CNTN4: variants seen among roughly 807,000 people sequenced by gnomAD.
CNTN4 encodes contactin 4.
A neutral mutation model predicts 122.5 loss-of-function variants in CNTN4; 77 were observed. The ratio of observed to expected loss-of-function variants is 0.63; its 90% CI spans 0.52 to 0.76. CNTN4 has a LOEUF of 0.76. Ranked by LOEUF, CNTN4 falls within the 30% of genes least tolerant of loss-of-function variation. The pLI, the probability that CNTN4 is intolerant of heterozygous loss-of-function variation, is 0.00. For synonymous variants in CNTN4, 512 were observed against 447.0 expected, an observed-to-expected ratio of 1.15 and a Z score of -1.83; for missense variants, 1,256 against 1,259.1, an observed-to-expected ratio of 1.00 and a Z score of 0.04.
chr3:2,974,448 A>G (rs1298093126), intron 13 of CNTN4, among the ~76,000 whole-genome samples: 1 of 152,136 alleles, frequency 6.6e-6, no homozygotes, highest in East Asian at 1.9e-4. Context: ...TTTACATTTA[A>G]CCTTCTCACA....
At chr3:2,466,866 A>G (rs1318205414) in intron 3 of CNTN4, among the ~76,000 whole-genome samples, 1 of 152,040 alleles carries the variant, frequency 6.6e-6, no homozygotes. Context: ...TTATTTAATC[A>G]TTGTAGAAAG....
At chr3:2,313,664 A>G (rs374347208) in intron 2 of CNTN4, among the ~76,000 whole-genome samples, 99 of 152,116 alleles carry the variant, frequency 6.5e-4, no homozygotes, top group Middle Eastern at 3.4e-3. Flanking sequence ...ACTCCCAACT[A>G]TATGTTTGAT....
At chr3:2,613,556 A>G (rs567832876) in intron 4 of CNTN4, among the ~76,000 whole-genome samples, 42 of 152,302 alleles carry the variant, frequency 2.8e-4, no homozygotes, top group Non-Finnish European at 3.2e-4. Flanking sequence ...ATATTACTTT[A>G]TAAGATGGTA....
chr3:2,956,650 A>C, intron 13 of CNTN4, among the ~76,000 whole-genome samples: 1 of 152,224 alleles, frequency 6.6e-6, no homozygotes, highest in South Asian at 2.1e-4. Flanking sequence ...CAAGGTGTAC[A>C]ACATGACTTG....
intron 17 of CNTN4, among the ~76,000 whole-genome samples, chr3:3,035,857 A>G (rs1699556344): frequency 6.6e-6 from 1 of 151,696 alleles, no homozygotes; most frequent in African/African-American, 2.4e-5. Flanking sequence ...GTCCAGCCCC[A>G]TTTTTTTAGA....
chr3:2,846,284 C>G (rs976090726), intron 7 of CNTN4, among the ~76,000 whole-genome samples: 2 of 152,182 alleles, frequency 1.3e-5, no homozygotes, highest in Non-Finnish European at 2.9e-5. Flanking sequence ...TACTCTCATG[C>G]TGTTCTCATG....
At chr3:2,825,218 A>T (rs903868251) in intron 7 of CNTN4, among the ~76,000 whole-genome samples, 4 of 151,896 alleles carry the variant, frequency 2.6e-5, no homozygotes, top group African/African-American at 9.7e-5. Flanking sequence ...TCTCTAAAAA[A>T]TAATTTATTT....
In CNTN4 at chr3:2,920,556, A is replaced by G. The variant is rs188492904; in HGVS notation, c.1208-5073A>G. 2.0e-5 allele frequency among the ~76,000 whole-genome samples: 3 copies of G among 152,182 alleles called. No homozygotes were observed. In the East Asian group the frequency reaches 5.8e-4, roughly 30 times the overall value. On this transcript the variant is annotated intron_variant, in intron 12 of 24. Coordinates refer to ENST00000418658, the MANE Select transcript of CNTN4 (RefSeq NM_175607.3). ...TATATTTGGTACTTTCTGTGGGTCT[A>G]TAATTATTTCAAAATAAACATTTTC...
At chr3:2,892,348 A>T (rs2094052703) in intron 10 of CNTN4, 1 of 152,180 alleles carries the variant, frequency 6.6e-6, no homozygotes, top group Non-Finnish European at 1.5e-5. Flanking sequence ...ACATAGTGAG[A>T]ATGCTCTATG....
At chr3:2,703,676 T>G (rs2086485032) in intron 4 of CNTN4, among the ~76,000 whole-genome samples, 1 of 152,022 alleles carries the variant, frequency 6.6e-6, no homozygotes, top group East Asian at 1.9e-4. Flanking sequence ...GTTATTAACT[T>G]AAATAAACAT....
chr3:2,247,505 T>C (rs146704008), intron 2 of CNTN4, among the ~76,000 whole-genome samples: 1 of 151,952 alleles, frequency 6.6e-6, no homozygotes, highest in Non-Finnish European at 1.5e-5. Context: ...TTGAAATCAG[T>C]TTTACAGGGA....
chr3:2,656,541 G>C (rs1306772148), intron 4 of CNTN4, among the ~76,000 whole-genome samples: 1 of 152,178 alleles, frequency 6.6e-6, no homozygotes, highest in South Asian at 2.1e-4. Flanking sequence ...TGAATCCCAA[G>C]CTCTAGTACA....
chr3:2,672,859 C>T (rs1324705724), intron 4 of CNTN4, among the ~76,000 whole-genome samples: 1 of 152,284 alleles, frequency 6.6e-6, no homozygotes, highest in Admixed American at 6.5e-5. Context: ...TATGAACCAT[C>T]CAGCTACTGG....
chr3:3,048,576 G>C (rs535506292), intron 23 of CNTN4, among the ~76,000 whole-genome samples: 1 of 151,760 alleles, frequency 6.6e-6, no homozygotes, highest in Non-Finnish European at 1.5e-5. Flanking sequence ...GGTACCTCCC[G>C]TGATATCTCA....
chr3:2,730,973 C>T (rs1273729226), intron 4 of CNTN4, among the ~76,000 whole-genome samples: 2 of 151,276 alleles, frequency 1.3e-5, no homozygotes, highest in Non-Finnish European at 2.9e-5. Flanking sequence ...TTAAGTGACA[C>T]CCGGCTGCGG....
intron 2 of CNTN4, among the ~76,000 whole-genome samples, chr3:2,145,754 A>G (rs1461346454): frequency 6.6e-6 from 1 of 152,206 alleles, no homozygotes; most frequent in Non-Finnish European, 1.5e-5. Flanking sequence ...GAGCTTGGCA[A>G]TCTTGCCCAG....
chr3:2,793,678 G>C (rs79075861), intron 6 of CNTN4, among the ~76,000 whole-genome samples: 357 of 152,162 alleles, frequency 2.3e-3, no homozygotes, highest in Non-Finnish European at 3.9e-3. Flanking sequence ...TCCAGAACTT[G>C]ACAATCACCT....
chr3:2,818,035 C>T (rs545438167), intron 6 of CNTN4, among the ~76,000 whole-genome samples: 19 of 152,276 alleles, frequency 1.2e-4, no homozygotes, highest in Admixed American at 1.2e-3. Flanking sequence ...GTGTGTCCTT[C>T]ATGTTCACTT....
chr3:3,042,445 G>C, intron 21 of CNTN4, 23 bp downstream of exon 21: 3 of 1,467,730 alleles, frequency 2.0e-6, no homozygotes, highest in Admixed American at 3.3e-5. Context: ...TATGTGCCTT[G>C]GGTCTGAAAG....
Sources: gnomAD v4.1 joint callset for allele counts (sites outside exome capture counted in the v4.1 genomes callset) on GRCh38, gnomAD v4.1.1 for gene constraint, MANE v1.5 for transcripts, NCBI Gene and HGNC (gene_info 2026-07-23, HGNC 2026-07-21) for gene names.